The following BICD1 variants were observed in gnomAD, a reference collection of about 807,000 sequenced individuals.
The protein encoded by BICD1 is BICD cargo adaptor 1, also known as protein bicaudal D homolog 1.
Under a neutral mutation model 92.5 loss-of-function variants are expected in BICD1, and 35 were observed. That is an observed-to-expected ratio of 0.38 (90% CI 0.29 to 0.50). The LOEUF is 0.50. Ranked by LOEUF, BICD1 falls within the 20% of genes least tolerant of loss-of-function variation. The pLI, the probability that BICD1 is intolerant of heterozygous loss-of-function variation, is 0.93. For missense variants in BICD1, 950 were observed against 1,189.8 expected (o/e 0.80, Z 2.97); for synonymous variants, 429 against 465.1 (o/e 0.92, Z 1.00).
chr12:32,356,460 T>A (rs1406232114), intron 8 of BICD1, among the ~76,000 whole-genome samples: 5 of 151,916 alleles, frequency 3.3e-5, no homozygotes, highest in Non-Finnish European at 5.9e-5. Context: ...AAGAGCAGCC[T>A]TGGCAACATG....
intron 1 of BICD1, among the ~76,000 whole-genome samples, chr12:32,183,245 G>A (rs1944331205): frequency 6.7e-6 from 1 of 148,448 alleles, no homozygotes; most frequent in South Asian, 2.2e-4. Context: ...AGGCTTTTAG[G>A]CCATTTTACT....
intron 2 of BICD1, among the ~76,000 whole-genome samples, chr12:32,225,714 G>A (rs769788088): frequency 3.5e-5 from 5 of 142,442 alleles, no homozygotes; most frequent in South Asian, 2.4e-4. Flanking sequence ...TCCACCTTCC[G>A]GGTTCAAGTG....
intron 1 of BICD1, among the ~76,000 whole-genome samples, chr12:32,186,297 C>T (rs12301583): frequency 0.025 from 3,870 of 152,258 alleles, 162 homozygotes; most frequent in African/African-American, 0.088. Context: ...TGAAAGTACA[C>T]AGCCATTTCT....
In BICD1 at chr12:32,367,667, T is replaced by C; in HGVS notation, c.2765-3T>C. 1 of 1,613,746 alleles carries C rather than the reference T, an allele frequency of 6.2e-7. No homozygotes were observed. Among genetic ancestry groups the C allele is most frequent in the South Asian group, 1.1e-5 (1 of 91,086 alleles). On this transcript the variant is annotated splice_region_variant and splice_polypyrimidine_tract_variant and intron_variant, in intron 8 of 9. Transcript: ENST00000652176. ...ACATGTCTAATTTATCAGTTTCTTGTAGATTGTCAGCAGCCTGCTGCCTCC... is the reference window on the plus strand; with the variant it reads ...ACATGTCTAATTTATCAGTTTCTTGCAGATTGTCAGCAGCCTGCTGCCTCC...
chr12:32,150,443 C>T (rs1359472532), intron 1 of BICD1, among the ~76,000 whole-genome samples: 1 of 151,490 alleles, frequency 6.6e-6, no homozygotes, highest in African/African-American at 2.4e-5. Context: ...ACATGAAGAT[C>T]CTAGGAGAAG....
chr12:32,170,538 G>C (rs1160592739), intron 1 of BICD1, among the ~76,000 whole-genome samples: 2 of 152,190 alleles, frequency 1.3e-5, no homozygotes, highest in African/African-American at 4.8e-5. Context: ...ATTGTAGTTA[G>C]CGTATTAGAA....
intron 8 of BICD1, among the ~76,000 whole-genome samples, chr12:32,357,211 C>T (rs1252828864): frequency 6.6e-6 from 1 of 151,994 alleles, no homozygotes. Context: ...TGGGGTTTCA[C>T]CATGTTGGCC....
chr12:32,228,450 A>G (rs1020664200), intron 2 of BICD1, among the ~76,000 whole-genome samples: 2 of 152,210 alleles, frequency 1.3e-5, no homozygotes, highest in Non-Finnish European at 2.9e-5. Flanking sequence ...AAGCCAGATC[A>G]TGTAGGGCCT....
At chr12:32,166,258 C>T (rs565289242) in intron 1 of BICD1, among the ~76,000 whole-genome samples, 10 of 152,102 alleles carry the variant, frequency 6.6e-5, no homozygotes, top group African/African-American at 2.4e-4. Flanking sequence ...GCCTTAGTCT[C>T]CCAAGTAGCT....
chr12:32,256,199 T>C (rs969105612), intron 2 of BICD1, among the ~76,000 whole-genome samples: 1 of 152,144 alleles, frequency 6.6e-6, no homozygotes, highest in Non-Finnish European at 1.5e-5. Flanking sequence ...ACTACAGCCA[T>C]GCACTACCAT....
intron 1 of BICD1, among the ~76,000 whole-genome samples, chr12:32,196,542 A>T (rs1218478860): frequency 2.6e-5 from 4 of 152,154 alleles, no homozygotes; most frequent in Non-Finnish European, 5.9e-5. Flanking sequence ...CAAGACAAAT[A>T]TTGTTTTGTC....
At chr12:32,237,348 T>C (rs1356019544) in intron 2 of BICD1, among the ~76,000 whole-genome samples, 1 of 152,238 alleles carries the variant, frequency 6.6e-6, no homozygotes, top group East Asian at 1.9e-4. Flanking sequence ...CAAGTGCTGA[T>C]AGAGAAGCTG....
intron 3 of BICD1, among the ~76,000 whole-genome samples, chr12:32,298,515 AG>A (rs1947940879): frequency 7.0e-6 from 1 of 143,184 alleles, no homozygotes; most frequent in African/African-American, 2.6e-5. Flanking sequence ...CAGTGAGCCG[AG>A]ATCACGCCAC....
rs540018784 is a variant in BICD1 at position 32,252,827 on chromosome 12, G to A, written c.426+36368G>A. 2.2e-4 allele frequency among the ~76,000 whole-genome samples: 33 copies of A among 152,164 alleles called. No individual in the cohort carries two copies. In the South Asian group the frequency reaches 4.2e-3, roughly 19 times the overall value. On this transcript the variant is annotated intron_variant, in intron 2 of 9. Transcript: ENST00000652176. Reference sequence around the variant, plus strand: ...ATAGGATGCTACACAGTTGGTTTTAGCATTTTACTATCGTTTTGTTGTTGA... The same window carrying A: ...ATAGGATGCTACACAGTTGGTTTTAACATTTTACTATCGTTTTGTTGTTGA...
At chr12:32,356,848 C>T (rs1471454875) in intron 8 of BICD1, among the ~76,000 whole-genome samples, 2 of 152,186 alleles carry the variant, frequency 1.3e-5, no homozygotes, top group East Asian at 3.8e-4. Flanking sequence ...ATCTCCACGT[C>T]AGTGCACAGT....
At chr12:32,125,630 C>T (rs1226658389) in intron 1 of BICD1, among the ~76,000 whole-genome samples, 2 of 152,096 alleles carry the variant, frequency 1.3e-5, no homozygotes, top group East Asian at 3.8e-4. Flanking sequence ...TTCCTGCTAG[C>T]AACAATTAAA....
intron 1 of BICD1, among the ~76,000 whole-genome samples, chr12:32,200,013 C>T (rs1312381636): frequency 6.6e-6 from 1 of 152,132 alleles, no homozygotes. Context: ...TTAACTTAAC[C>T]ACTCAGTCAG....
At chr12:32,218,224 GTTAA>G (rs1373767307) in intron 2 of BICD1, among the ~76,000 whole-genome samples, 3 of 152,162 alleles carry the variant, frequency 2.0e-5, no homozygotes, top group Non-Finnish European at 2.9e-5. Flanking sequence ...CATGGCAGAA[GTTAA>G]TTAATTAAGC....
intron 1 of BICD1, among the ~76,000 whole-genome samples, chr12:32,145,160 T>C (rs1943066103): frequency 6.6e-6 from 1 of 151,982 alleles, no homozygotes; most frequent in Non-Finnish European, 1.5e-5. Context: ...TCTTTGCTTC[T>C]GATAAGGGAC....
Sources: allele counts gnomAD v4.1 joint callset (sites outside exome capture counted in the v4.1 genomes callset), GRCh38; gene constraint gnomAD v4.1.1; transcripts MANE v1.5; gene names NCBI Gene and HGNC (gene_info 2026-07-23, HGNC 2026-07-21).